Variants in FDFT1 observed in about 807,000 individuals in gnomAD.
FDFT1 encodes the protein farnesyl-diphosphate farnesyltransferase 1.
Under a neutral mutation model 46.8 loss-of-function variants are expected in FDFT1, and 68 were observed. The ratio of observed to expected loss-of-function variants is 1.45; its 90% confidence interval spans 1.19 to 1.78. FDFT1 has a LOEUF of 1.78. FDFT1 is among the 40% of genes most tolerant of loss of function. FDFT1 has a pLI of 0.00. For missense variants in FDFT1, 928 were observed against 524.4 expected, an observed-to-expected ratio of 1.77 and a Z score of -7.52; for synonymous variants, 351 against 185.1, an observed-to-expected ratio of 1.90 and a Z score of -7.28.
chr8:11,838,512 A>G lies in FDFT1; in HGVS notation c.1157A>G (p.Tyr386Cys). The G allele has an allele frequency of 1.2e-6, 2 of 1,607,942 alleles. No individual in the cohort carries two copies. Among genetic ancestry groups the G allele is most frequent in the Admixed American group, 1.7e-5 (1 of 59,274 alleles). The part of the protein sequence containing the change: ...LISRSHYSPI[Y>C]LSFVMLLAAL... Reference sequence around the variant, plus strand: ...TCCCGAAGCCACTACTCCCCCATCTACCTGTCGTTTGTCATGCTTTTGGCT... The same window carrying G: ...TCCCGAAGCCACTACTCCCCCATCTGCCTGTCGTTTGTCATGCTTTTGGCT... The change falls in exon 8 of 8, where the codon TAC becomes TGC. Residue 386 changes from tyrosine (Y) to cysteine (C), a missense_variant. Physicochemically the swap from Tyr to Cys is radical, Grantham distance 194. Transcript: ENST00000220584.
intron 1 of FDFT1, chr8:11,808,225 G>A (rs944974192): frequency 8.5e-7 from 1 of 1,173,530 alleles, no homozygotes; most frequent in Non-Finnish European, 1.1e-6. Flanking sequence ...AGCGGAGCCC[G>A]AGTAGAGTTT....
At chr8:11,805,193 G>A (rs142789813) in intron 1 of FDFT1, among the ~76,000 whole-genome samples, 72 of 152,246 alleles carry the variant, frequency 4.7e-4, no homozygotes, top group African/African-American at 1.6e-3. Context: ...TGGGATTACA[G>A]GTGTGAGCCA....
chr8:11,810,219 C>T (rs1164889697), intron 3 of FDFT1, among the ~76,000 whole-genome samples: 1 of 152,328 alleles, frequency 6.6e-6, no homozygotes, highest in East Asian at 1.9e-4. Context: ...TCCAGTGTTT[C>T]TTCCTGTGGG....
At chr8:11,815,147 C>G (rs376035411) in intron 3 of FDFT1, among the ~76,000 whole-genome samples, 3 of 152,146 alleles carry the variant, frequency 2.0e-5, no homozygotes, top group Non-Finnish European at 2.9e-5. Context: ...TGATACTTTG[C>G]TCAGAATGAT....
chr8:11,835,479 G>C (rs1478759483), intron 7 of FDFT1, among the ~76,000 whole-genome samples: 2 of 152,192 alleles, frequency 1.3e-5, no homozygotes, highest in Non-Finnish European at 2.9e-5. Flanking sequence ...ACCGGGGACT[G>C]TCACAACCAA....
rs749811488 is a variant in FDFT1 at position 11,830,353 on chromosome 8, C to G, written c.812C>G (p.Pro271Arg). 1.2e-6 allele frequency: 2 copies of G among 1,613,812 alleles called. No individual in the cohort carries two copies. Among genetic ancestry groups the G allele is most frequent in the Non-Finnish European group, 1.7e-6 (2 of 1,179,750 alleles). ...ATAACCAATGCACTGCACCACATCC[C>G]AGATGTCATCACCTACCTTTCGAGA... is the stretch of plus-strand genomic sequence containing the variant. ...ELITNALHHI[P>R]DVITYLSRLR... The change falls in exon 6 of 8, where the codon CCA (proline) becomes CGA (arginine). Residue 271 changes from proline to arginine, a missense_variant. Pro to Arg is a moderately radical substitution (Grantham distance 103). Transcript: ENST00000220584.
intron 1 of FDFT1, chr8:11,803,262 T>C (rs1806373862): frequency 7.4e-7 from 1 of 1,348,112 alleles, no homozygotes; most frequent in Non-Finnish European, 9.7e-7. Context: ...TGAGGCAATG[T>C]GGGTGGGTTA....
At chr8:11,822,491 A>G (rs1809399354) in intron 4 of FDFT1, among the ~76,000 whole-genome samples, 1 of 152,220 alleles carries the variant, frequency 6.6e-6, no homozygotes, top group Non-Finnish European at 1.5e-5. Flanking sequence ...TTAACAGCAT[A>G]CAATGACTGC....
chr8:11,819,381 T>G (rs988201462), intron 3 of FDFT1, among the ~76,000 whole-genome samples: 1 of 152,200 alleles, frequency 6.6e-6, no homozygotes, highest in African/African-American at 2.4e-5. Flanking sequence ...TTTCCTGAAT[T>G]TGAATGTTGA....
chr8:11,816,997 C>G (rs1176198031), intron 3 of FDFT1, among the ~76,000 whole-genome samples: 3 of 152,112 alleles, frequency 2.0e-5, no homozygotes, highest in African/African-American at 7.2e-5. Flanking sequence ...ATGATATTGG[C>G]TTTGGGTTTG....
In FDFT1 at chr8:11,830,455, C is replaced by T. The variant is rs753285291; in HGVS notation, c.879+35C>T. 4 of 1,485,132 alleles carry T rather than the reference C, an allele frequency of 2.7e-6. No homozygotes were observed. The African/African-American group carries it at 5.5e-5, about 21-fold the overall frequency. The allele number at this position is 1,485,132 out of a possible 1,614,324, so 92.0% of individuals were successfully genotyped here. A position where few individuals can be genotyped will look rare whatever the true frequency, so the allele number is the denominator to read the frequency against. On this transcript the variant is annotated intron_variant, in intron 6 of 7. Transcript: ENST00000220584. ...GGGGCTCCTCTGGGTGGATACGGGG[C>T]TAAAGGGAGTGGGGTAGGAGTAAGG...
upstream of FDFT1, chr8:11,798,281 A>G (rs1805767164): frequency 6.6e-6 from 1 of 152,152 alleles, no homozygotes; most frequent in African/African-American, 2.4e-5. Flanking sequence ...GCTGGTCTCA[A>G]AGTCCTGACC....
intron 3 of FDFT1, among the ~76,000 whole-genome samples, chr8:11,812,126 A>C (rs368895761): frequency 6.6e-6 from 1 of 152,178 alleles, no homozygotes; most frequent in Non-Finnish European, 1.5e-5. Flanking sequence ...AGAGTGCCCC[A>C]TTCTAGGCCC....
At chr8:11,812,765 C>A (rs977208080) in intron 3 of FDFT1, among the ~76,000 whole-genome samples, 2 of 152,210 alleles carry the variant, frequency 1.3e-5, no homozygotes, top group African/African-American at 4.8e-5. Context: ...CCAGTGACTT[C>A]CGCCTCGATG....
intron 5 of FDFT1, among the ~76,000 whole-genome samples, chr8:11,826,954 A>G (rs2645424): frequency 0.55 from 84,379 of 152,074 alleles, 23,903 homozygotes; most frequent in Non-Finnish European, 0.6. Flanking sequence ...AGAATTCTGC[A>G]GCAGGAAGGG....
chr8:11,825,571 A>T (rs898309792), intron 4 of FDFT1, among the ~76,000 whole-genome samples: 1 of 151,256 alleles, frequency 6.6e-6, no homozygotes, highest in Admixed American at 6.6e-5. Flanking sequence ...GTTATTGTAA[A>T]GCTAGACACG....
intron 4 of FDFT1, among the ~76,000 whole-genome samples, chr8:11,825,601 C>A (rs1809852621): frequency 6.6e-6 from 1 of 151,146 alleles, no homozygotes; most frequent in East Asian, 1.9e-4. Context: ...GCCTACAATC[C>A]CAGCTGTTCG....
Position 11,830,235 on chromosome 8 carries a change from T to C in FDFT1, c.703-9T>C, listed in dbSNP as rs375875514. The C allele has an allele frequency of 9.6e-5, 154 of 1,610,118 alleles. No homozygotes were observed. In the African/African-American group the frequency reaches 1.3e-3, roughly 14 times the overall value. ...GCTGACCTGTTCCTTAATCTTCTTATCTGTCTAGGTTTGGAGCAGGTATGT... is the reference window on the plus strand; with the variant it reads ...GCTGACCTGTTCCTTAATCTTCTTACCTGTCTAGGTTTGGAGCAGGTATGT... On this transcript the variant is annotated splice_polypyrimidine_tract_variant and intron_variant, in intron 5 of 7. Coordinates refer to ENST00000220584, the MANE Select transcript of FDFT1 (RefSeq NM_004462.5).
chr8:11,821,992 C>T (rs1809319086), intron 4 of FDFT1, 114 bp downstream of exon 4: 1 of 1,256,926 alleles, frequency 8.0e-7, no homozygotes, highest in Non-Finnish European at 1.1e-6. Context: ...TCTGGTTTTA[C>T]AATTCATCTG....
Sources: gnomAD v4.1 joint callset for allele counts (sites outside exome capture counted in the v4.1 genomes callset) on GRCh38, gnomAD v4.1.1 for gene constraint, MANE v1.5 for transcripts, NCBI Gene and HGNC (gene_info 2026-07-23, HGNC 2026-07-21) for gene names.